The following ATRNL1 variants were observed in gnomAD, a reference collection of about 807,000 sequenced individuals.
The protein encoded by ATRNL1 is attractin like 1.
In ATRNL1, 95 loss-of-function variants were observed where a neutral mutation model predicts 182.7. That is an observed-to-expected ratio of 0.52 (90% CI 0.44 to 0.62). The LOEUF is 0.62. ATRNL1 is among the 20% of genes least tolerant of loss of function. ATRNL1 has a pLI of 0.00. For synonymous variants in ATRNL1, 576 were observed against 568.3 expected, an observed-to-expected ratio of 1.01 and a Z score of -0.19; for missense variants, 1,471 against 1,679.5, an observed-to-expected ratio of 0.88 and a Z score of 2.17.
chr10:115,727,849 G>C (rs559621780), intron 27 of ATRNL1, among the ~76,000 whole-genome samples: 59 of 152,068 alleles, frequency 3.9e-4, no homozygotes, highest in Non-Finnish European at 7.4e-4. Context: ...GTTAATTGCT[G>C]TATTATTACA....
intron 19 of ATRNL1, among the ~76,000 whole-genome samples, chr10:115,341,929 T>C (rs1855770894): frequency 6.6e-6 from 1 of 152,144 alleles, no homozygotes. Context: ...ATGTTTATTG[T>C]AGGCAACAGA....
At chr10:115,584,670 A>G (rs1275403127) in intron 26 of ATRNL1, among the ~76,000 whole-genome samples, 6 of 151,038 alleles carry the variant, frequency 4.0e-5, no homozygotes, top group African/African-American at 1.2e-4. Flanking sequence ...CTAGCTGTCT[A>G]TGAATTTTGT....
At chr10:115,148,111 C>A (rs1420787638) in intron 5 of ATRNL1, among the ~76,000 whole-genome samples, 3 of 152,006 alleles carry the variant, frequency 2.0e-5, no homozygotes, top group Non-Finnish European at 4.4e-5. Context: ...TTGTTTGTGT[C>A]CTCTTCAATT....
intron 26 of ATRNL1, among the ~76,000 whole-genome samples, chr10:115,621,272 T>TAGAG (rs1167604359): frequency 2.7e-4 from 13 of 48,444 alleles, no homozygotes; most frequent in African/African-American, 7.5e-4. Context: ...TATATATATA[T>TAGAG]ATATAGAGAG....
intron 21 of ATRNL1, among the ~76,000 whole-genome samples, chr10:115,457,258 T>TA (rs1159789490): frequency 6.6e-6 from 1 of 151,930 alleles, no homozygotes; most frequent in East Asian, 1.9e-4. Flanking sequence ...TTTATGGGCT[T>TA]AAAATGGGGG....
chr10:115,468,251 G>C (rs938078101), intron 23 of ATRNL1, among the ~76,000 whole-genome samples: 2 of 150,474 alleles, frequency 1.3e-5, no homozygotes, highest in African/African-American at 2.4e-5. Context: ...AAACTGTAAG[G>C]GTTTAAAAAT....
At chr10:115,440,576 C>G (rs1208822300) in intron 21 of ATRNL1, among the ~76,000 whole-genome samples, 1 of 151,878 alleles carries the variant, frequency 6.6e-6, no homozygotes, top group African/African-American at 2.4e-5. Flanking sequence ...TTCACCCTTT[C>G]CTAGTGCCCT....
intron 10 of ATRNL1, among the ~76,000 whole-genome samples, chr10:115,261,562 G>A (rs2133870680): frequency 6.6e-6 from 1 of 152,186 alleles, no homozygotes; most frequent in Non-Finnish European, 1.5e-5. Flanking sequence ...GAGAAGAAAT[G>A]TACACATCTG....
At chr10:115,910,543 C>T (rs1419791096) in intron 28 of ATRNL1, among the ~76,000 whole-genome samples, 2 of 152,192 alleles carry the variant, frequency 1.3e-5, no homozygotes, top group African/African-American at 4.8e-5. Flanking sequence ...TGAAGCATTT[C>T]CTAGCCGGCT....
At chr10:115,768,529 A>C (rs1948913498) in intron 27 of ATRNL1, among the ~76,000 whole-genome samples, 1 of 152,048 alleles carries the variant, frequency 6.6e-6, no homozygotes, top group Non-Finnish European at 1.5e-5. Context: ...TGAGTATTCT[A>C]TTTTTTGACC....
chr10:115,120,326 C>A, intron 2 of ATRNL1, 58 bp downstream of exon 2: 1 of 901,966 alleles, frequency 1.1e-6, no homozygotes, highest in South Asian at 1.6e-5. Context: ...TAAAGGTGAT[C>A]ATATTAATGT....
intron 8 of ATRNL1, 128 bp from the exon 9 acceptor site, chr10:115,215,569 A>G: frequency 1.4e-6 from 1 of 738,942 alleles, no homozygotes; most frequent in Non-Finnish European, 2.1e-6. Flanking sequence ...GATTAAATTA[A>G]TATTAGATAT....
intron 9 of ATRNL1, among the ~76,000 whole-genome samples, chr10:115,230,882 A>AGAGAGG (rs1849899478): frequency 1.4e-5 from 1 of 70,438 alleles, no homozygotes; most frequent in Non-Finnish European, 3.8e-5. Flanking sequence ...AGAGAGAGAG[A>AGAGAGG]GAGAGAGAGA....
At chr10:115,841,653 C>A (rs781802645) in intron 27 of ATRNL1, among the ~76,000 whole-genome samples, 80 of 152,192 alleles carry the variant, frequency 5.3e-4, no homozygotes, top group Middle Eastern at 3.4e-3. Context: ...AGCTTAATTT[C>A]TTTTATTAAT....
intron 17 of ATRNL1, among the ~76,000 whole-genome samples, chr10:115,309,385 A>T (rs544782311): frequency 6.6e-6 from 1 of 152,214 alleles, no homozygotes; most frequent in African/African-American, 2.4e-5. Context: ...TTCTCATGAT[A>T]TCAGTTCTTC....
intron 27 of ATRNL1, among the ~76,000 whole-genome samples, chr10:115,785,038 C>T (rs931643225): frequency 6.6e-6 from 1 of 152,154 alleles, no homozygotes; most frequent in Non-Finnish European, 1.5e-5. Flanking sequence ...AATCCAAATT[C>T]TCATCTAAAA....
At chr10:115,146,702 G>A (rs1433187477) in intron 5 of ATRNL1, among the ~76,000 whole-genome samples, 1 of 151,970 alleles carries the variant, frequency 6.6e-6, no homozygotes, top group East Asian at 1.9e-4. Flanking sequence ...CCACGTGTGA[G>A]TGAGAACTTA....
chr10:115,685,063 G>A (rs966285325), intron 26 of ATRNL1, among the ~76,000 whole-genome samples: 20 of 151,620 alleles, frequency 1.3e-4, no homozygotes, highest in Non-Finnish European at 2.5e-4. Context: ...GATGGGTACT[G>A]GCCTCTGACT....
chr10:115,165,646 G>T lies in ATRNL1; in HGVS notation c.1092+1G>T. On this transcript the variant is annotated splice_donor_variant, in intron 7 of 28. Transcript: ENST00000355044. LOFTEE classifies it high-confidence loss of function. The stretch of plus-strand genomic sequence containing the variant: ...TGGACACTCTCTTGCTTTATATCAG[G>T]TATGGCTCCTGCTTTTTAAATTTTA... 4.7e-6 allele frequency: 7 copies of T among 1,484,740 alleles called. No individual in the cohort carries two copies. The highest frequency in any genetic ancestry group is 6.4e-6 in the Non-Finnish European group (7 of 1,101,130). The allele number at this position is 1,484,740 out of a possible 1,614,324, so 92.0% of individuals were successfully genotyped here.
Sources: allele counts gnomAD v4.1 joint callset (sites outside exome capture counted in the v4.1 genomes callset), GRCh38; gene constraint gnomAD v4.1.1; transcripts MANE v1.5; gene names NCBI Gene and HGNC (gene_info 2026-07-23, HGNC 2026-07-21).